TSGA10: variants seen among roughly 807,000 people sequenced by gnomAD.
TSGA10 encodes testis-specific gene 10 protein.
In TSGA10, 43 loss-of-function variants were observed where a neutral mutation model predicts 96.6. That is an observed-to-expected ratio of 0.44 (90% CI 0.35 to 0.57). The LOEUF (loss-of-function observed/expected upper bound fraction) is 0.57, where lower values mean the gene tolerates loss of function less well. TSGA10 is among the 20% of genes least tolerant of loss of function. The probability of loss-of-function intolerance (pLI) is 0.01; values close to 1 mark genes in which losing one functional copy is unlikely to be tolerated. For synonymous variants in TSGA10, 229 were observed against 269.9 expected, an observed-to-expected ratio of 0.85 and a Z score of 1.48; for missense variants, 703 against 834.4, an observed-to-expected ratio of 0.84 and a Z score of 1.94.
At chr2:99,063,676 C>T (rs998876073) in intron 16 of TSGA10, among the ~76,000 whole-genome samples, 5 of 151,640 alleles carry the variant, frequency 3.3e-5, no homozygotes, top group South Asian at 2.1e-4. Flanking sequence ...CAGGGTGGTG[C>T]GCACCTGTAG....
At chr2:99,097,739 T>C (rs914177097) in intron 10 of TSGA10, among the ~76,000 whole-genome samples, 1 of 152,158 alleles carries the variant, frequency 6.6e-6, no homozygotes, top group African/African-American at 2.4e-5. Flanking sequence ...AAAATACAAA[T>C]GGACCAAATG....
At chr2:99,129,213 T>TTA (rs937592193) in intron 1 of TSGA10, among the ~76,000 whole-genome samples, 2 of 152,158 alleles carry the variant, frequency 1.3e-5, no homozygotes. Context: ...TAATTGATAT[T>TTA]TATATATATA....
chr2:99,119,209 T>A (rs1221482920), intron 2 of TSGA10, among the ~76,000 whole-genome samples: 2 of 152,210 alleles, frequency 1.3e-5, no homozygotes, highest in Non-Finnish European at 2.9e-5. Flanking sequence ...GAATTATTTT[T>A]AAATATGCTA....
At chr2:99,129,602 T>C (rs1192775539) in intron 1 of TSGA10, among the ~76,000 whole-genome samples, 1 of 152,136 alleles carries the variant, frequency 6.6e-6, no homozygotes, top group African/African-American at 2.4e-5. Flanking sequence ...CATCAGTGTA[T>C]CTGAAATTCC....
intron 20 of TSGA10, among the ~76,000 whole-genome samples, chr2:99,015,426 G>A (rs1340364068): frequency 6.6e-6 from 1 of 152,082 alleles, no homozygotes; most frequent in African/African-American, 2.4e-5. Context: ...AAAAGCATTT[G>A]ACAAAATCCA....
intron 12 of TSGA10, among the ~76,000 whole-genome samples, chr2:99,073,856 C>T (rs2086272310): frequency 6.6e-6 from 1 of 151,722 alleles, no homozygotes; most frequent in South Asian, 2.1e-4. Flanking sequence ...AACATTAGCC[C>T]TAAAAAAGTA....
intron 10 of TSGA10, among the ~76,000 whole-genome samples, chr2:99,090,745 A>G (rs1204954645): frequency 6.6e-6 from 1 of 152,188 alleles, no homozygotes; most frequent in Admixed American, 6.5e-5. Context: ...TTTTAAAAAA[A>G]TGAACAAAGC....
chr2:99,049,663 G>T (rs1220840908), intron 16 of TSGA10, among the ~76,000 whole-genome samples: 1 of 151,230 alleles, frequency 6.6e-6, no homozygotes, highest in South Asian at 2.1e-4. Context: ...AAACCACCAT[G>T]ACATGTGTAC....
intron 4 of TSGA10, among the ~76,000 whole-genome samples, chr2:99,112,339 C>T (rs532600931): frequency 1.3e-5 from 2 of 152,162 alleles, no homozygotes; most frequent in South Asian, 2.1e-4. Context: ...ATACAAGGAG[C>T]GCTCACGTTC....
intron 16 of TSGA10, among the ~76,000 whole-genome samples, chr2:99,042,567 G>A (rs1047306123): frequency 3.9e-5 from 6 of 152,170 alleles, no homozygotes; most frequent in East Asian, 3.9e-4. Flanking sequence ...GCCTAGGAGT[G>A]GAACAGGAGC....
At chr2:99,102,475 C>T in intron 10 of TSGA10, 1 of 1,613,710 alleles carries the variant, frequency 6.2e-7, no homozygotes, top group East Asian at 2.2e-5. Context: ...GTAGCCCTTG[C>T]TCTGATTTTT....
intron 20 of TSGA10, among the ~76,000 whole-genome samples, chr2:99,007,902 T>A (rs1245319239): frequency 6.6e-6 from 1 of 152,136 alleles, no homozygotes; most frequent in South Asian, 2.1e-4. Flanking sequence ...GGACTGCACA[T>A]GAATAGGCAG....
chr2:99,035,619 CTT>C (rs5832864), intron 16 of TSGA10, among the ~76,000 whole-genome samples, 180 bp from the exon 17 acceptor site: 2 of 143,352 alleles, frequency 1.4e-5, no homozygotes, highest in Non-Finnish European at 1.5e-5. Context: ...CAGGTTTTGA[CTT>C]TTTTTTTTTT....
rs17852533 is a variant in TSGA10 at position 99,078,724 on chromosome 2, G to A, written c.817C>T (p.Leu273=). ...GATTTTTTATCCAAACATGCTTGCAGGCATTCCTTTTCTTTAGCCAGATCA... is the reference window on the plus strand; with the variant it reads ...GATTTTTTATCCAAACATGCTTGCAAGCATTCCTTTTCTTTAGCCAGATCA... ...LNDLAKEKEC[L]QACLDKKSEN... is the part of the protein sequence containing the mutation. Residue 273 remains leucine, a synonymous_variant, in exon 12 of 21, where the codon CTG becomes TTG. Transcript: ENST00000393483. The A allele has an allele frequency of 1.2e-6, 2 of 1,613,574 alleles. No homozygotes were observed. Among genetic ancestry groups the A allele is most frequent in the Non-Finnish European group, 1.7e-6 (2 of 1,179,826 alleles).
intron 15 of TSGA10, among the ~76,000 whole-genome samples, chr2:99,067,053 AG>A (rs1363297194): frequency 6.6e-6 from 1 of 152,238 alleles, no homozygotes; most frequent in Non-Finnish European, 1.5e-5. Context: ...TTCTGAAAAT[AG>A]GGTTCAAAGA....
intron 1 of TSGA10, among the ~76,000 whole-genome samples, chr2:99,134,214 T>C (rs11123764): frequency 0.62 from 94,030 of 151,484 alleles, 29,594 homozygotes; most frequent in East Asian, 0.88. Context: ...TTTCAGAGTA[T>C]ACCAATCAAA....
intron 20 of TSGA10, among the ~76,000 whole-genome samples, chr2:99,001,885 A>G (rs2077953929): frequency 6.6e-6 from 1 of 152,220 alleles, no homozygotes; most frequent in South Asian, 2.1e-4. Context: ...AAAAGGTATC[A>G]GTGATTGAAG....
At chr2:99,135,278 G>T (rs2093278358) in intron 1 of TSGA10, among the ~76,000 whole-genome samples, 1 of 152,294 alleles carries the variant, frequency 6.6e-6, no homozygotes, top group Non-Finnish European at 1.5e-5. Flanking sequence ...GAGATGCCCT[G>T]CCCAGAGAGG....
intron 10 of TSGA10, 55 bp downstream of exon 10, chr2:99,103,912 A>T: frequency 6.4e-7 from 1 of 1,562,784 alleles, no homozygotes; most frequent in Non-Finnish European, 8.7e-7. Context: ...ACACTATAAA[A>T]AGCAGAGCTA....
Sources: allele counts gnomAD v4.1 joint callset (sites outside exome capture counted in the v4.1 genomes callset), GRCh38; gene constraint gnomAD v4.1.1; transcripts MANE v1.5; gene names NCBI Gene and HGNC (gene_info 2026-07-23, HGNC 2026-07-21).